TRPM7: variants seen among roughly 807,000 people sequenced by gnomAD.
TRPM7 encodes the protein LTRPC ion channel family member 7.
A neutral mutation model predicts 229.7 loss-of-function variants in TRPM7; 134 were observed. That is an observed-to-expected ratio of 0.58 (90% CI 0.51 to 0.67). The LOEUF is 0.67. Among genes scored for constraint, TRPM7 ranks in the 30% least tolerant of loss-of-function variants. TRPM7 has a pLI of 0.00. For missense variants in TRPM7, 1,901 were observed against 2,210.0 expected (o/e 0.86, Z 2.80); for synonymous variants, 699 against 715.2 (o/e 0.98, Z 0.36).
At chr15:50,643,617 T>C in intron 4 of TRPM7, 64 bp from the exon 5 acceptor site, 5 of 1,414,330 alleles carry the variant, frequency 3.5e-6, no homozygotes, top group Non-Finnish European at 4.9e-6. Context: ...AATGTGACAT[T>C]ATATGACTTT....
intron 6 of TRPM7, among the ~76,000 whole-genome samples, chr15:50,638,135 G>A (rs1028593815): frequency 2.0e-5 from 3 of 151,544 alleles, no homozygotes; most frequent in South Asian, 2.1e-4. Flanking sequence ...CGAGGCGGGC[G>A]GATCATGAGG....
rs984084483 is a variant in TRPM7 at position 50,589,675 on chromosome 15, T to C, written c.4325-19A>G. Reference sequence around the variant, plus strand: ...CTGTGTCCTTTAATAGAAAAAAAGATGTTGCAATGAGAAATTTTTATTTTT... The same window carrying C: ...CTGTGTCCTTTAATAGAAAAAAAGACGTTGCAATGAGAAATTTTTATTTTT... On this transcript the variant is annotated intron_variant, in intron 26 of 38. Coordinates refer to ENST00000646667, the MANE Select transcript of TRPM7 (RefSeq NM_017672.6). 4 of 1,540,246 alleles carry C rather than the reference T, an allele frequency of 2.6e-6. No homozygotes were observed. The highest frequency in any genetic ancestry group is 2.0e-5 in the Admixed American group (1 of 49,960).
chr15:50,594,397 T>A, intron 24 of TRPM7, 32 bp downstream of exon 24: 1 of 1,529,358 alleles, frequency 6.5e-7, no homozygotes, highest in Non-Finnish European at 8.9e-7. Context: ...AGTGATAAAA[T>A]GAAAACATTT....
At chr15:50,590,268 T>C (rs8036148) in intron 26 of TRPM7, among the ~76,000 whole-genome samples, 2,112 of 152,194 alleles carry the variant, frequency 0.014, 45 homozygotes, top group African/African-American at 0.049. Context: ...GGACCAAGCA[T>C]TTTTACTATT....
intron 27 of TRPM7, among the ~76,000 whole-genome samples, chr15:50,586,993 T>C (rs1269461241): frequency 6.6e-6 from 1 of 152,058 alleles, no homozygotes. Flanking sequence ...TCCAGCCTGC[T>C]GGCAGAACGA....
intron 12 of TRPM7, among the ~76,000 whole-genome samples, chr15:50,623,487 G>GCCCCCCC (rs570868762): frequency 1.8e-5 from 2 of 113,158 alleles, no homozygotes; most frequent in East Asian, 2.8e-4. Flanking sequence ...TTGCTGCCCC[G>GCCCCCCC]CCCCCTCCCC....
At chr15:50,586,136 A>G (rs1290315517) in intron 28 of TRPM7, among the ~76,000 whole-genome samples, 1 of 152,250 alleles carries the variant, frequency 6.6e-6, no homozygotes, top group Non-Finnish European at 1.5e-5. Context: ...TGCAAAAGCT[A>G]AAAGCAGCAG....
At chr15:50,601,767 A>C (rs2059787357) in intron 21 of TRPM7, among the ~76,000 whole-genome samples, 1 of 152,112 alleles carries the variant, frequency 6.6e-6, no homozygotes, top group Non-Finnish European at 1.5e-5. Context: ...AAGATGTATT[A>C]GGTTGATGCA....
intron 12 of TRPM7, among the ~76,000 whole-genome samples, chr15:50,623,659 C>A (rs2060481131): frequency 6.6e-6 from 1 of 151,322 alleles, no homozygotes; most frequent in Admixed American, 6.6e-5. Flanking sequence ...AATGCTAATA[C>A]AATAAAAATT....
rs888778970 is a variant in TRPM7 at position 50,611,167 on chromosome 15, G to T, written c.2206C>A (p.His736Asn). The T allele has an allele frequency of 6.2e-7, 1 of 1,613,826 alleles. No homozygotes were observed. Among genetic ancestry groups the T allele is most frequent in the Admixed American group, 1.7e-5 (1 of 59,988 alleles). The change falls in exon 17 of 39, where the codon CAC becomes AAC. Residue 736 changes from histidine to asparagine, a missense_variant. Around this residue, in one of 8 missense-constraint regions of TRPM7, gnomAD observed 794 missense variants for 881.9 expected, o/e 0.90. Coordinates refer to ENST00000646667, the MANE Select transcript of TRPM7 (RefSeq NM_017672.6). ...GATAACAACATTTGTGTACAGGTGT[G>T]AGCTACAAAAGGTCTAAGTCTTGAA... is the stretch of plus-strand genomic sequence containing the variant. ...VSSRLRPFVA[H>N]TCTQMLLSDM...
chr15:50,597,447 C>T (rs1018776549), intron 22 of TRPM7, among the ~76,000 whole-genome samples: 7 of 152,078 alleles, frequency 4.6e-5, no homozygotes, highest in South Asian at 2.1e-4. Flanking sequence ...AATGGTTTTA[C>T]GGGCAAATTA....
Position 50,592,570 on chromosome 15 carries a change from T to C in TRPM7, c.3665A>G (p.Lys1222Arg). The change falls in exon 26 of 39, where the codon AAA becomes AGA. Residue 1222 changes from lysine to arginine, a missense_variant. By Grantham distance (26) the Lys-to-Arg change is conservative (BLOSUM62 2). Around this residue, in one of 8 missense-constraint regions of TRPM7, gnomAD observed 533 missense variants for 497.1 expected, o/e 1.07. Coordinates refer to ENST00000646667, the MANE Select transcript of TRPM7 (RefSeq NM_017672.6). Reference sequence around the variant, plus strand: ...AGAATCTAATGATTGTAATGATCTTTTTATGTAGTTGACACGATCTCCAAC... The same window carrying C: ...AGAATCTAATGATTGTAATGATCTTCTTATGTAGTTGACACGATCTCCAAC... ...KEVGDRVNYI[K>R]RSLQSLDSQI... 6.2e-7 allele frequency: 1 copy of C among 1,609,362 alleles called. No homozygotes were observed. The highest frequency in any genetic ancestry group is 1.1e-5 in the South Asian group (1 of 91,070).
In TRPM7 at chr15:50,589,494, T is replaced by C. The variant is rs1214190277; in HGVS notation, c.4389+98A>G. 4.7e-6 allele frequency: 4 copies of C among 843,926 alleles called. No individual in the cohort carries two copies. The East Asian group carries it at 7.8e-5, about 16-fold the overall frequency. The allele number at this position is 843,926 out of a possible 1,614,324, so 52.3% of individuals were successfully genotyped here. On this transcript the variant is annotated intron_variant, in intron 27 of 38. Transcript: ENST00000646667. ...GCATGTTAATGATATCTGCTAAAAC[T>C]GTATTTTTGCTGAAAAAATGTTTAA... is the stretch of plus-strand genomic sequence containing the variant.
chr15:50,664,979 A>G (rs1176854410), intron 1 of TRPM7, among the ~76,000 whole-genome samples: 4 of 152,174 alleles, frequency 2.6e-5, no homozygotes, highest in Non-Finnish European at 5.9e-5. Context: ...ATAAATAAAT[A>G]ATCAGCAGAA....
chr15:50,665,931 T>C (rs2061867155), intron 1 of TRPM7, among the ~76,000 whole-genome samples: 1 of 152,068 alleles, frequency 6.6e-6, no homozygotes, highest in South Asian at 2.1e-4. Flanking sequence ...AGGCAGAGCT[T>C]GCAGTGAGCC....
intron 16 of TRPM7, 74 bp downstream of exon 16, chr15:50,612,475 G>T: frequency 7.6e-7 from 1 of 1,319,472 alleles, no homozygotes; most frequent in Non-Finnish European, 1.1e-6. Context: ...TAAGTACGTG[G>T]CACTGTAACA....
At chr15:50,630,470 ATGT>A (rs1280381560) in intron 10 of TRPM7, among the ~76,000 whole-genome samples, 1 of 152,080 alleles carries the variant, frequency 6.6e-6, no homozygotes, top group African/African-American at 2.4e-5. Context: ...TTTCGCTATA[ATGT>A]TGTTATATCT....
chr15:50,678,786 T>G (rs2062161665), intron 1 of TRPM7, among the ~76,000 whole-genome samples: 1 of 152,028 alleles, frequency 6.6e-6, no homozygotes, highest in South Asian at 2.1e-4. Context: ...CCCCAACACT[T>G]TGGGAGGCCA....
chr15:50,592,578 G>C lies in TRPM7; in HGVS notation c.3657C>G (p.Asn1219Lys), dbSNP rs2059533144. 6.2e-7 allele frequency: 1 copy of C among 1,606,804 alleles called. No homozygotes were observed. Among genetic ancestry groups the C allele is most frequent in the African/African-American group, 1.3e-5 (1 of 74,974 alleles). Residue 1219 changes from asparagine to lysine, a missense_variant, in exon 26 of 39, where the codon AAC (asparagine) becomes AAG (lysine). Coordinates refer to ENST00000646667, the MANE Select transcript of TRPM7 (RefSeq NM_017672.6). ...IQIKEVGDRV[N>K]YIKRSLQSLD... ...ATGATTGTAATGATCTTTTTATGTAGTTGACACGATCTCCAACTTCTTTAA... is the reference window on the plus strand; with the variant it reads ...ATGATTGTAATGATCTTTTTATGTACTTGACACGATCTCCAACTTCTTTAA...
Sources: allele counts gnomAD v4.1 joint callset (sites outside exome capture counted in the v4.1 genomes callset), GRCh38; gene constraint gnomAD v4.1.1; regional missense constraint gnomAD v4.1.1; transcripts MANE v1.5; gene names NCBI Gene and HGNC (gene_info 2026-07-23, HGNC 2026-07-21).